Variants in SPATA6L observed in about 807,000 individuals in gnomAD.
SPATA6L encodes the protein spermatogenesis associated 6 like, also known as spermatogenesis associated 6-like protein.
In SPATA6L, 68 loss-of-function variants were observed where a neutral mutation model predicts 49.2. The ratio of observed to expected loss-of-function variants is 1.38; its 90% CI spans 1.14 to 1.69. The LOEUF is 1.69. Ranked by LOEUF, SPATA6L falls within the 40% of genes most tolerant of loss-of-function variation. The pLI is 0.00. For missense variants in SPATA6L, 668 were observed against 464.3 expected, an observed-to-expected ratio of 1.44 and a Z score of -4.03; for synonymous variants, 198 against 165.7, an observed-to-expected ratio of 1.19 and a Z score of -1.50.
At chr9:4,604,502 C>T (rs944917843) in intron 10 of SPATA6L, among the ~76,000 whole-genome samples, 6 of 152,140 alleles carry the variant, frequency 3.9e-5, no homozygotes, top group Non-Finnish European at 5.9e-5. Flanking sequence ...CCCTCCTCAG[C>T]CTCCCAAAGT....
chr9:4,607,093 A>G (rs1166282137), intron 9 of SPATA6L, among the ~76,000 whole-genome samples: 1 of 151,852 alleles, frequency 6.6e-6, no homozygotes, highest in Non-Finnish European at 1.5e-5. Context: ...AAGTTTAGAG[A>G]AAAAAGAATA....
chr9:4,621,663 T>A (rs1451874372), intron 7 of SPATA6L, among the ~76,000 whole-genome samples: 1 of 152,168 alleles, frequency 6.6e-6, no homozygotes, highest in Non-Finnish European at 1.5e-5. Flanking sequence ...TAATTTTGTA[T>A]TTTTAGTAGA....
chr9:4,658,679 T>C (rs1838870712), intron 2 of SPATA6L, among the ~76,000 whole-genome samples: 1 of 152,176 alleles, frequency 6.6e-6, no homozygotes, highest in African/African-American at 2.4e-5. Flanking sequence ...ATCTTTGGGC[T>C]TCTTATAAAA....
At chr9:4,623,195 G>A (rs926437831) in intron 6 of SPATA6L, among the ~76,000 whole-genome samples, 4 of 152,150 alleles carry the variant, frequency 2.6e-5, no homozygotes, top group Admixed American at 2.0e-4. Flanking sequence ...CAGGAGAATC[G>A]CTTGAACCCG....
Position 4,622,567 on chromosome 9 carries a change from C to T in SPATA6L, c.670-57G>A, listed in dbSNP as rs1363832311. On this transcript the variant is annotated intron_variant, in intron 6 of 11. Transcript: ENST00000682582. Reference sequence around the variant, plus strand: ...TCCACTATAGCTTCTAGTACCCTCCCCTCGTTACCGGAATGCCTGTCTCCC... The same window carrying T: ...TCCACTATAGCTTCTAGTACCCTCCTCTCGTTACCGGAATGCCTGTCTCCC... The T allele has an allele frequency of 3.3e-6, 4 of 1,213,346 alleles. No individual in the cohort carries two copies. In the African/African-American group the frequency reaches 4.6e-5, roughly 14 times the overall value. The allele number at this position is 1,213,346 out of a possible 1,614,324, so 75.2% of individuals were successfully genotyped here.
intron 13 of SPATA6L, among the ~76,000 whole-genome samples, chr9:4,591,762 A>C (rs1318382093): frequency 6.6e-6 from 1 of 152,216 alleles, no homozygotes. Context: ...TAGACATGCA[A>C]ATAAGGCCGA....
intron 3 of SPATA6L, among the ~76,000 whole-genome samples, chr9:4,637,718 C>T (rs1028190648): frequency 6.8e-6 from 1 of 146,206 alleles, no homozygotes; most frequent in African/African-American, 2.6e-5. Flanking sequence ...TGGATGCTGC[C>T]CCCAAACCTG....
rs140259396 is a variant in SPATA6L, at chr9:4,600,188, T to C, written c.*623A>G. ...GGAGTAGGAAACAGAAGGAGCAGTT[T>C]AAACTACGCTCCAGAGGAGCCAGCC... is the stretch of plus-strand genomic sequence containing the variant. On this transcript the variant is annotated 3_prime_UTR_variant, in exon 12 of 12. Transcript: ENST00000682582. Among the ~76,000 whole-genome samples, 922 of 152,298 alleles carry C rather than the reference T, an allele frequency of 6.1e-3. 15 individuals are homozygous for C. The highest frequency in any genetic ancestry group is 0.021 in the African/African-American group (882 of 41,556).
rs1822532171 is a variant in SPATA6L, at chr9:4,598,592, T to C, written c.*2219A>G. Among the ~76,000 whole-genome samples, 1 of 152,226 alleles carries C rather than the reference T, an allele frequency of 6.6e-6. No homozygotes were observed. The highest frequency in any genetic ancestry group is 2.1e-4 in the South Asian group (1 of 4,828). On this transcript the variant is annotated 3_prime_UTR_variant, in exon 12 of 12. Coordinates refer to ENST00000682582, the MANE Select transcript of SPATA6L (RefSeq NM_001353486.2). ...ATGACTTTAAATAAGAATGGGCATT[T>C]AAGATCTTATTAAAGAGTTATGCTT...
intron 4 of SPATA6L, chr9:4,633,899 A>C (rs1197070878): frequency 6.6e-6 from 1 of 152,224 alleles, no homozygotes; most frequent in African/African-American, 2.4e-5. Flanking sequence ...AAATTATTTA[A>C]AATATAATTT....
intron 8 of SPATA6L, 28 bp downstream of exon 8, chr9:4,618,836 A>C (rs1422252616): frequency 1.3e-6 from 2 of 1,599,666 alleles, no homozygotes; most frequent in Non-Finnish European, 8.6e-7. Flanking sequence ...GAAGTAAATC[A>C]TTTTACAAAT....
At chr9:4,635,162 C>G (rs2130566329) in intron 4 of SPATA6L, 113 bp downstream of exon 4, 1 of 1,167,380 alleles carries the variant, frequency 8.6e-7, no homozygotes, top group South Asian at 2.4e-5. Context: ...AGCTACTAAA[C>G]AGAACAGCAG....
At chr9:4,626,299 GCTGACCAGAGCCCC>G in intron 5 of SPATA6L, 2 of 1,067,430 alleles carry the variant, frequency 1.9e-6, no homozygotes, top group Non-Finnish European at 1.2e-6. Flanking sequence ...ATCAGCGGCA[GCTGACCAGAGCCCC>G]CTGTTCAGAT....
At position 4,662,590 on chromosome 9, in the gene SPATA6L, C is replaced by T. The variant is rs1333416494; in HGVS notation, c.40-554G>A. The T allele has an allele frequency of 6.3e-7, 1 of 1,592,906 alleles. No homozygotes were observed. The highest frequency in any genetic ancestry group is 8.5e-7 in the Non-Finnish European group (1 of 1,177,024). ...CCAGTTCACCGCCGCGGCTCCTTCCCCCTGGCCGCGGCGGGCCCCTCGCAG... is the reference window on the plus strand; with the variant it reads ...CCAGTTCACCGCCGCGGCTCCTTCCTCCTGGCCGCGGCGGGCCCCTCGCAG... On this transcript the variant is annotated intron_variant, in intron 1 of 11. Coordinates refer to ENST00000682582, the MANE Select transcript of SPATA6L (RefSeq NM_001353486.2). This position sits in a 1 kb window ranked among gnomAD's most constrained non-coding sequence, Gnocchi z 4.9.
chr9:4,633,916 G>C (rs1472895192), intron 4 of SPATA6L, among the ~76,000 whole-genome samples: 2 of 152,130 alleles, frequency 1.3e-5, no homozygotes, highest in Non-Finnish European at 2.9e-5. Flanking sequence ...ATTTGATTAA[G>C]TTAATTGTAA....
intron 2 of SPATA6L, among the ~76,000 whole-genome samples, 187 bp from the exon 3 acceptor site, chr9:4,656,276 A>C (rs1374051344): frequency 6.6e-6 from 1 of 152,020 alleles, no homozygotes; most frequent in East Asian, 1.9e-4. Context: ...CTCTCTCTAC[A>C]AAAAATACAA....
chr9:4,611,603 T>A (rs1237592347), intron 9 of SPATA6L, among the ~76,000 whole-genome samples: 4 of 127,686 alleles, frequency 3.1e-5, no homozygotes, highest in South Asian at 2.4e-4. Context: ...AACAATGAGA[T>A]CACATGGACA....
intron 3 of SPATA6L, among the ~76,000 whole-genome samples, chr9:4,651,573 T>G (rs1356637954): frequency 6.6e-6 from 1 of 152,176 alleles, no homozygotes; most frequent in African/African-American, 2.4e-5. Context: ...CTCTTATGAT[T>G]GTAAATCCCA....
In SPATA6L at chr9:4,626,312, C is replaced by T. The variant is rs113275218; in HGVS notation, c.430-746G>A. 2.6e-3 allele frequency: 3,026 copies of T among 1,168,360 alleles called. 55 individuals are homozygous for T. The African/African-American group carries it at 0.038, about 15-fold the overall frequency. 72.4% of individuals were successfully genotyped at this position (1,168,360 alleles called of 1,614,324 possible). A position where few individuals can be genotyped will look rare whatever the true frequency, so the allele number is the denominator to read the frequency against. On this transcript the variant is annotated intron_variant, in intron 5 of 11. Transcript: ENST00000682582. Reference sequence around the variant, plus strand: ...ATATCAGCGGCAGCTGACCAGAGCCCCCTGTTCAGATTTGAGTCTAGACCC... The same window carrying T: ...ATATCAGCGGCAGCTGACCAGAGCCTCCTGTTCAGATTTGAGTCTAGACCC...
Sources: allele counts gnomAD v4.1 joint callset (sites outside exome capture counted in the v4.1 genomes callset), GRCh38; gene constraint gnomAD v4.1.1; non-coding constraint Gnocchi (gnomAD v3.1); transcripts MANE v1.5; gene names NCBI Gene and HGNC (gene_info 2026-07-23, HGNC 2026-07-21).